PCDH15: variants seen among roughly 807,000 people sequenced by gnomAD.
PCDH15 encodes protocadherin-15.
Under a neutral mutation model 178.5 loss-of-function variants are expected in PCDH15, and 129 were observed. That is an observed-to-expected ratio of 0.72 (90% CI 0.63 to 0.84). The LOEUF (loss-of-function observed/expected upper bound fraction) is 0.84. Ranked by LOEUF, PCDH15 falls within the 40% of genes least tolerant of loss-of-function variation. The pLI is 0.00. For missense variants in PCDH15, 2,230 were observed against 2,099.9 expected, an observed-to-expected ratio of 1.06 and a Z score of -1.21; for synonymous variants, 800 against 732.0, an observed-to-expected ratio of 1.09 and a Z score of -1.50.
intron 1 of PCDH15, among the ~76,000 whole-genome samples, chr10:55,295,756 T>C (rs1295644757): frequency 6.6e-6 from 1 of 152,164 alleles, no homozygotes; most frequent in Non-Finnish European, 1.5e-5. Flanking sequence ...GGATATTTTT[T>C]TTCCCACACC....
chr10:54,118,373 T>G (rs374083352), intron 15 of PCDH15, among the ~76,000 whole-genome samples: 4 of 152,084 alleles, frequency 2.6e-5, no homozygotes. Flanking sequence ...TAAAAAAAAG[T>G]AACCCGGCTG....
intron 2 of PCDH15, among the ~76,000 whole-genome samples, chr10:55,588,197 T>C (rs1589159200): frequency 6.6e-6 from 1 of 152,304 alleles, no homozygotes; most frequent in East Asian, 1.9e-4. Context: ...CTACCTTTTT[T>C]GCCTATCTGG....
intron 18 of PCDH15, among the ~76,000 whole-genome samples, chr10:54,029,566 G>A (rs1043470720): frequency 6.6e-6 from 1 of 152,078 alleles, no homozygotes; most frequent in Non-Finnish European, 1.5e-5. Flanking sequence ...ATAATTGCCA[G>A]AAACACCACT....
intron 2 of PCDH15, among the ~76,000 whole-genome samples, chr10:54,537,925 G>A (rs568200675): frequency 6.6e-6 from 1 of 152,272 alleles, no homozygotes; most frequent in Non-Finnish European, 1.5e-5. Flanking sequence ...TTTGAGAGAA[G>A]TCTGTTCATG....
chr10:54,301,623 C>T (rs1247605677), intron 8 of PCDH15, among the ~76,000 whole-genome samples: 1 of 152,110 alleles, frequency 6.6e-6, no homozygotes, highest in Non-Finnish European at 1.5e-5. Flanking sequence ...ATGACTGGGC[C>T]TTGATATAAC....
chr10:55,532,224 A>G (rs914388728), intron 2 of PCDH15, among the ~76,000 whole-genome samples: 4 of 152,088 alleles, frequency 2.6e-5, no homozygotes, highest in African/African-American at 9.7e-5. Flanking sequence ...TAAATTTCTC[A>G]TATCGGGAAA....
In PCDH15 at chr10:54,332,019, C is replaced by A. The variant is rs146428645; in HGVS notation, c.595-2313G>T. On this transcript the variant is annotated intron_variant, in intron 6 of 37. Transcript: ENST00000644397. Reference sequence around the variant, plus strand: ...TTCTGTCAGGATATAAAATTTAGAACTTCAGCAGCCATTTGGGGACTATTG... The same window carrying A: ...TTCTGTCAGGATATAAAATTTAGAAATTCAGCAGCCATTTGGGGACTATTG... Among the ~76,000 whole-genome samples, 1,389 of 151,142 alleles carry A rather than the reference C, an allele frequency of 9.2e-3. 31 individuals are homozygous for A. The highest frequency in any genetic ancestry group is 0.032 in the African/African-American group (1,318 of 41,242).
chr10:53,991,162 G>A (rs1057161518), intron 21 of PCDH15, among the ~76,000 whole-genome samples: 11 of 152,212 alleles, frequency 7.2e-5, no homozygotes, highest in South Asian at 6.2e-4. Context: ...CATGGCGCCC[G>A]GTCCCATCAA....
chr10:54,071,517 T>C (rs2094242571), intron 17 of PCDH15, among the ~76,000 whole-genome samples: 1 of 152,168 alleles, frequency 6.6e-6, no homozygotes, highest in Non-Finnish European at 1.5e-5. Context: ...GACACAAAAT[T>C]TGTTAAACAT....
intron 7 of PCDH15, among the ~76,000 whole-genome samples, chr10:54,325,472 G>C (rs1369964464): frequency 6.6e-6 from 1 of 152,042 alleles, no homozygotes; most frequent in Non-Finnish European, 1.5e-5. Context: ...ACCACTGCCA[G>C]GTGCAGTGGC....
chr10:54,248,233 C>T (rs1281961156), intron 8 of PCDH15, among the ~76,000 whole-genome samples: 1 of 151,756 alleles, frequency 6.6e-6, no homozygotes. Context: ...AAGGGATTAT[C>T]TATCTCTGCT....
intron 26 of PCDH15, among the ~76,000 whole-genome samples, chr10:53,900,209 T>TTC (rs5785026): frequency 3.7e-4 from 54 of 144,650 alleles, no homozygotes; most frequent in Admixed American, 9.0e-4. Flanking sequence ...TCTCTAAACT[T>TTC]TCTCTCTCTC....
chr10:54,547,787 A>T (rs990275868), intron 2 of PCDH15, among the ~76,000 whole-genome samples: 7 of 152,096 alleles, frequency 4.6e-5, no homozygotes, highest in African/African-American at 1.7e-4. Flanking sequence ...ATTTTAGGAC[A>T]TACCCTTAGG....
intron 9 of PCDH15, among the ~76,000 whole-genome samples, chr10:54,216,182 G>A (rs1025316032): frequency 2.0e-5 from 3 of 152,026 alleles, no homozygotes; most frequent in East Asian, 3.9e-4. Context: ...CTGGCTCGGC[G>A]CAGTGGCTCA....
At chr10:53,888,664 GATATATATATATATATATATAT>G (rs59914675) in intron 26 of PCDH15, among the ~76,000 whole-genome samples, 8 of 17,026 alleles carry the variant, frequency 4.7e-4, no homozygotes, top group East Asian at 2.0e-3. Context: ...AGTTAAGTTT[GATATATATATATATATATATAT>G]ATATATATAT....
intron 2 of PCDH15, among the ~76,000 whole-genome samples, chr10:54,907,920 G>C (rs1423757222): frequency 6.6e-6 from 1 of 152,152 alleles, no homozygotes; most frequent in Non-Finnish European, 1.5e-5. Context: ...CAAGAACCCT[G>C]GCCCCTCTTT....
intron 2 of PCDH15, among the ~76,000 whole-genome samples, chr10:54,948,537 AG>A (rs1387463501): frequency 2.6e-5 from 4 of 151,988 alleles, no homozygotes; most frequent in Non-Finnish European, 5.9e-5. Flanking sequence ...CAATAGACTG[AG>A]TGAGCAGGAA....
At chr10:54,029,857 G>T (rs2093240006) in intron 18 of PCDH15, among the ~76,000 whole-genome samples, 1 of 151,966 alleles carries the variant, frequency 6.6e-6, no homozygotes, top group Non-Finnish European at 1.5e-5. Flanking sequence ...TTGCTACCCT[G>T]GGGGTTACCA....
At position 53,803,367 on chromosome 10, in the gene PCDH15, T is replaced by C. The variant is rs2132339956; in HGVS notation, c.*3212A>G. The C allele has an allele frequency of 6.6e-6, 1 of 152,070 alleles. No homozygotes were observed. Among genetic ancestry groups the C allele is most frequent in the African/African-American group, 2.4e-5 (1 of 41,566 alleles). The allele number at this position is 152,070 out of a possible 1,614,324, so 9.4% of individuals were successfully genotyped here. ...AATAAAAGACAGAAAATGTCTTCCC[T>C]CGAGAGTCAATATTCAATTACTTCT... On this transcript the variant is annotated 3_prime_UTR_variant, in exon 38 of 38. Transcript: ENST00000644397.
Sources: gnomAD v4.1 joint callset for allele counts (sites outside exome capture counted in the v4.1 genomes callset) on GRCh38, gnomAD v4.1.1 for gene constraint, MANE v1.5 for transcripts, NCBI Gene and HGNC (gene_info 2026-07-23, HGNC 2026-07-21) for gene names.